ASCC3: variants seen among roughly 807,000 people sequenced by gnomAD.
ASCC3 encodes ASC-1 complex subunit P200.
A neutral mutation model predicts 256.3 loss-of-function variants in ASCC3; 158 were observed. That is an observed-to-expected ratio of 0.62 (90% confidence interval 0.54 to 0.70). The LOEUF (loss-of-function observed/expected upper bound fraction) is 0.70, where lower values mean the gene tolerates loss of function less well. Among genes scored for constraint, ASCC3 ranks in the 30% least tolerant of loss-of-function variants. ASCC3 has a pLI of 0.00. For synonymous variants in ASCC3, 948 were observed against 883.4 expected (o/e 1.07, Z -1.30); for missense variants, 2,259 against 2,626.0 (o/e 0.86, Z 3.05).
At chr6:100,577,615 C>T (rs1770940519) in intron 36 of ASCC3, among the ~76,000 whole-genome samples, 2 of 152,058 alleles carry the variant, frequency 1.3e-5, no homozygotes, top group Admixed American at 1.3e-4. Context: ...CACCTGCTGT[C>T]ATCCTTAGAG....
chr6:100,854,694 T>C (rs1772853375), intron 3 of ASCC3, among the ~76,000 whole-genome samples: 2 of 152,172 alleles, frequency 1.3e-5, no homozygotes, highest in African/African-American at 2.4e-5. Context: ...ACCTTTCCAG[T>C]AGTATAAAAT....
In ASCC3 at chr6:100,650,533, C is replaced by T; in HGVS notation, c.3252+5G>A. The T allele has an allele frequency of 6.2e-7, 1 of 1,612,144 alleles. No homozygotes were observed. The highest frequency in any genetic ancestry group is 8.5e-7 in the Non-Finnish European group (1 of 1,178,684). ...GAGAAAACTGGAAGGGAATAAGATA[C>T]TTACCTGTGCAACATATGCAGAATC... On this transcript the variant is annotated splice_donor_5th_base_variant and intron_variant, in intron 20 of 41. Transcript: ENST00000369162.
intron 26 of ASCC3, among the ~76,000 whole-genome samples, chr6:100,630,402 C>A (rs1038797839): frequency 6.6e-6 from 1 of 151,692 alleles, no homozygotes; most frequent in Admixed American, 6.6e-5. Flanking sequence ...ACAGCTAGTT[C>A]TCATTCTGAA....
intron 25 of ASCC3, 46 bp downstream of exon 25, chr6:100,638,555 G>T (rs751767498): frequency 8.7e-5 from 127 of 1,461,212 alleles, no homozygotes; most frequent in Non-Finnish European, 1.1e-4. Context: ...TAGAGATTAT[G>T]AACTGTCTTT....
rs369512932 is a variant in ASCC3, at chr6:100,859,076, A to G, written c.241+4988T>C. 3.6e-5 allele frequency: 28 copies of G among 777,322 alleles called. No individual in the cohort carries two copies. The African/African-American group carries it at 3.9e-4, about 11-fold the overall frequency. 48.2% of individuals were successfully genotyped at this position (777,322 alleles called of 1,614,324 possible). The stretch of plus-strand genomic sequence containing the variant: ...TAATAGTCAAATATTCAGATTTTCT[A>G]TTTCTTCTTTTGTCCATTTTAGTCA... On this transcript the variant is annotated intron_variant, in intron 3 of 41. Coordinates refer to ENST00000369162, the MANE Select transcript of ASCC3 (RefSeq NM_006828.4).
intron 37 of ASCC3, among the ~76,000 whole-genome samples, chr6:100,522,915 C>T (rs1430028083): frequency 6.7e-6 from 1 of 148,996 alleles, no homozygotes; most frequent in Non-Finnish European, 1.5e-5. Context: ...CAGTATATTG[C>T]CTATGAAGTT....
chr6:100,573,685 C>T lies in ASCC3; in HGVS notation c.5550+15949G>A, dbSNP rs897244010. Among the ~76,000 whole-genome samples, 6 of 151,916 alleles carry T rather than the reference C, an allele frequency of 3.9e-5. No individual in the cohort carries two copies. The South Asian group carries it at 1.0e-3, about 26-fold the overall frequency. ...GATTGCTTGTGTAATGACAATTCTA[C>T]GTAGTTATTATATCACTAAGCAGAG... On this transcript the variant is annotated intron_variant, in intron 36 of 41. Coordinates refer to ENST00000369162, the MANE Select transcript of ASCC3 (RefSeq NM_006828.4).
chr6:100,676,497 A>G (rs1029274482), intron 14 of ASCC3, among the ~76,000 whole-genome samples: 1 of 151,972 alleles, frequency 6.6e-6, no homozygotes, highest in Admixed American at 6.6e-5. Context: ...GAGAGCCCCA[A>G]GCTCCATTTC....
At chr6:100,548,842 A>G (rs530426605) in intron 36 of ASCC3, among the ~76,000 whole-genome samples, 2 of 152,060 alleles carry the variant, frequency 1.3e-5, no homozygotes, top group South Asian at 4.1e-4. Flanking sequence ...CAAGAACCCC[A>G]GCGGACACAT....
intron 8 of ASCC3, among the ~76,000 whole-genome samples, chr6:100,771,589 A>C (rs1237076757): frequency 6.6e-6 from 1 of 152,098 alleles, no homozygotes; most frequent in Admixed American, 6.6e-5. Flanking sequence ...TAATCTTAAG[A>C]GTATGTAAAG....
chr6:100,555,342 A>T (rs1769515686), intron 36 of ASCC3, among the ~76,000 whole-genome samples: 1 of 152,206 alleles, frequency 6.6e-6, no homozygotes, highest in Non-Finnish European at 1.5e-5. Flanking sequence ...GGCTCATGTG[A>T]ATATATGTGT....
In ASCC3 at chr6:100,646,731, T is replaced by C; in HGVS notation, c.3517A>G (p.Lys1173Glu). ...GAAGGAATCTGATGAACACATTGTT[T>C]GACCTTCAGTCCAATATTCACATGA... Reference protein sequence around the residue: ...LHHVNIGLKVKQCVHQIPSVM... With the variant: ...LHHVNIGLKVEQCVHQIPSVM... The change falls in exon 22 of 42, where the codon AAA (lysine) becomes GAA (glutamate). Residue 1173 changes from lysine (K) to glutamate (E), a missense_variant. By Grantham distance (56) the Lys-to-Glu change is moderately conservative. This residue lies in a region of ASCC3 where 1,839 missense variants were observed against 2,206.7 expected (regional missense o/e 0.83). Coordinates refer to ENST00000369162, the MANE Select transcript of ASCC3 (RefSeq NM_006828.4). 2 of 1,613,994 alleles carry C rather than the reference T, an allele frequency of 1.2e-6. No homozygotes were observed. Among genetic ancestry groups the C allele is most frequent in the Non-Finnish European group, 1.7e-6 (2 of 1,179,910 alleles).
chr6:100,784,727 A>G (rs1465874343), intron 8 of ASCC3, among the ~76,000 whole-genome samples: 1 of 152,072 alleles, frequency 6.6e-6, no homozygotes, highest in African/African-American at 2.4e-5. Flanking sequence ...TTTCTATTTT[A>G]TATTATAAAT....
chr6:100,754,378 G>A (rs2115100801), intron 10 of ASCC3, among the ~76,000 whole-genome samples: 1 of 152,106 alleles, frequency 6.6e-6, no homozygotes, highest in Non-Finnish European at 1.5e-5. Flanking sequence ...TATTTATGAG[G>A]TACATGAGAT....
At chr6:100,513,375 G>A (rs2114604897) in intron 39 of ASCC3, among the ~76,000 whole-genome samples, 1 of 152,278 alleles carries the variant, frequency 6.6e-6, no homozygotes, top group Non-Finnish European at 1.5e-5. Flanking sequence ...GTTAAAAAAT[G>A]TCTGTTATCG....
chr6:100,540,420 T>C (rs1353910331), intron 36 of ASCC3, 33 bp from the exon 37 acceptor site: 1 of 1,532,332 alleles, frequency 6.5e-7, no homozygotes, highest in Non-Finnish European at 9.0e-7. Context: ...CATTGTTGGA[T>C]CAAAGTATAA....
At chr6:100,759,959 T>C (rs766490811) in intron 10 of ASCC3, among the ~76,000 whole-genome samples, 26 of 152,168 alleles carry the variant, frequency 1.7e-4, no homozygotes, top group Non-Finnish European at 3.4e-4. Flanking sequence ...TGCTTGTCTA[T>C]TGTTGGTGTA....
chr6:100,766,764 A>G (rs1290395394), intron 9 of ASCC3, 59 bp from the exon 10 acceptor site: 1 of 1,595,386 alleles, frequency 6.3e-7, no homozygotes, highest in East Asian at 2.2e-5. Context: ...CATTTGTCTT[A>G]CAGTAGCCAA....
At chr6:100,696,309 T>A (rs1778078758) in intron 13 of ASCC3, among the ~76,000 whole-genome samples, 1 of 152,148 alleles carries the variant, frequency 6.6e-6, no homozygotes, top group South Asian at 2.1e-4. Flanking sequence ...TAATGGTTAA[T>A]CATATTTGAA....
Sources: gnomAD v4.1 joint callset for allele counts (sites outside exome capture counted in the v4.1 genomes callset) on GRCh38, gnomAD v4.1.1 for gene constraint, gnomAD v4.1.1 regional missense constraint, MANE v1.5 for transcripts, NCBI Gene and HGNC (gene_info 2026-07-23, HGNC 2026-07-21) for gene names.